Variants in HMCN1 observed in about 807,000 individuals in gnomAD.
HMCN1 encodes hemicentin-1.
In HMCN1, 321 loss-of-function variants were observed where a neutral mutation model predicts 625.9. The observed-to-expected ratio is 0.51, with a 90% confidence interval of 0.47 to 0.56. The LOEUF (loss-of-function observed/expected upper bound fraction) is 0.56, where lower values mean the gene tolerates loss of function less well. Among genes scored for constraint, HMCN1 ranks in the 20% least tolerant of loss-of-function variants. The pLI, the probability that HMCN1 is intolerant of heterozygous loss-of-function variation, is 0.00. For missense variants in HMCN1, 6,588 were observed against 6,887.3 expected, an observed-to-expected ratio of 0.96 and a Z score of 1.54; for synonymous variants, 2,425 against 2,417.6, an observed-to-expected ratio of 1.00 and a Z score of -0.09.
chr1:185,739,419 T>A (rs1653823045), intron 1 of HMCN1, among the ~76,000 whole-genome samples: 1 of 152,226 alleles, frequency 6.6e-6, no homozygotes, highest in African/African-American at 2.4e-5. Flanking sequence ...TGAGGAGGGC[T>A]GATCATCTCT....
In HMCN1 at chr1:185,783,577, A is replaced by G. The variant is rs184972465; in HGVS notation, c.268+48530A>G. Among the ~76,000 whole-genome samples, 810 of 152,294 alleles carry G rather than the reference A, an allele frequency of 5.3e-3. 5 individuals are homozygous for G. Among genetic ancestry groups the G allele is most frequent in the Middle Eastern group, 0.01 (3 of 294 alleles). On this transcript the variant is annotated intron_variant, in intron 1 of 106. Transcript: ENST00000271588. The stretch of plus-strand genomic sequence containing the variant: ...TTCCTTCTAACAGTCAGGACCCTCA[A>G]CTGCAGGTCTGTTGGAGTTTGCTGG...
intron 1 of HMCN1, among the ~76,000 whole-genome samples, chr1:185,748,891 A>C (rs1035308973): frequency 2.0e-5 from 3 of 152,234 alleles, no homozygotes; most frequent in Non-Finnish European, 4.4e-5. Context: ...TAGAGTCAAA[A>C]CACTTGAGTA....
chr1:185,829,297 AAAT>A (rs1157855407), intron 1 of HMCN1, among the ~76,000 whole-genome samples: 1 of 151,946 alleles, frequency 6.6e-6, no homozygotes, highest in African/African-American at 2.4e-5. Context: ...TTTCTAAAAA[AAAT>A]AAAAGGGGGA....
At chr1:186,025,592 T>C (rs775979262) in intron 36 of HMCN1, among the ~76,000 whole-genome samples, 2 of 152,126 alleles carry the variant, frequency 1.3e-5, no homozygotes, top group Non-Finnish European at 2.9e-5. Context: ...AGAAATCAAG[T>C]ATCCCATCAA....
intron 40 of HMCN1, among the ~76,000 whole-genome samples, chr1:186,043,407 C>T (rs1656340378): frequency 6.6e-6 from 1 of 152,044 alleles, no homozygotes; most frequent in Non-Finnish European, 1.5e-5. Context: ...ATTTTTGTCC[C>T]TTAAACAAAT....
At chr1:185,907,329 A>G (rs893313264) in intron 4 of HMCN1, among the ~76,000 whole-genome samples, 3 of 151,948 alleles carry the variant, frequency 2.0e-5, no homozygotes, top group Non-Finnish European at 2.9e-5. Context: ...ATGACACTAC[A>G]AATTTTTCTT....
intron 1 of HMCN1, among the ~76,000 whole-genome samples, chr1:185,761,928 T>C (rs984163223): frequency 2.6e-5 from 4 of 152,180 alleles, no homozygotes; most frequent in African/African-American, 9.7e-5. Context: ...AAATATAGCA[T>C]CATATTATAA....
intron 1 of HMCN1, among the ~76,000 whole-genome samples, chr1:185,752,569 G>A (rs989364948): frequency 6.6e-6 from 1 of 152,120 alleles, no homozygotes; most frequent in Non-Finnish European, 1.5e-5. Context: ...GAGGAAGAGT[G>A]TCTTGCATGT....
chr1:186,133,920 A>T (rs1201318436), intron 86 of HMCN1, among the ~76,000 whole-genome samples: 1 of 152,072 alleles, frequency 6.6e-6, no homozygotes, highest in Non-Finnish European at 1.5e-5. Context: ...CAGATTTTCC[A>T]GAAATGTTAA....
intron 48 of HMCN1, 99 bp downstream of exon 48, chr1:186,062,699 A>G: frequency 1.3e-6 from 1 of 774,182 alleles, no homozygotes; most frequent in Non-Finnish European, 2.3e-6. Context: ...TTTAGGGGGT[A>G]CAAGTGCGGT....
intron 86 of HMCN1, among the ~76,000 whole-genome samples, chr1:186,135,356 C>T (rs10489755): frequency 0.35 from 53,123 of 151,902 alleles, 10,442 homozygotes; most frequent in East Asian, 0.58. Context: ...ATAAGCTTGT[C>T]TTCTGTCCAT....
In HMCN1 at chr1:186,065,292, A is replaced by T. The variant is rs536487843; in HGVS notation, c.7568A>T (p.Asp2523Val). Reference protein sequence around the residue: ...WHKDGQPLQEDEAHHIISGGR... With the variant: ...WHKDGQPLQEVEAHHIISGGR... ...AAAGATGGGCAGCCCCTCCAAGAAG[A>T]TGAAGCCCATCACATTATATCTGGT... The change falls in exon 49 of 107, where the codon GAT (aspartate) becomes GTT (valine). Residue 2523 changes from aspartate (D) to valine (V), a missense_variant. Coordinates refer to ENST00000271588, the MANE Select transcript of HMCN1 (RefSeq NM_031935.3). The T allele has an allele frequency of 6.2e-7, 1 of 1,612,702 alleles. No homozygotes were observed. The highest frequency in any genetic ancestry group is 1.3e-5 in the African/African-American group (1 of 75,008).
chr1:185,965,740 A>T (rs1650358168), intron 13 of HMCN1, 62 bp from the exon 14 acceptor site: 1 of 943,808 alleles, frequency 1.1e-6, no homozygotes, highest in Non-Finnish European at 1.8e-6. Context: ...TTTAGTAAAC[A>T]TAAACAAAAT....
intron 55 of HMCN1, among the ~76,000 whole-genome samples, chr1:186,078,466 C>G (rs1658963445): frequency 6.6e-6 from 1 of 152,118 alleles, no homozygotes; most frequent in Admixed American, 6.5e-5. Context: ...ACTTATGAAT[C>G]AGAAAAGTCC....
chr1:185,866,875 T>A (rs1271105149), intron 4 of HMCN1, among the ~76,000 whole-genome samples: 2 of 152,132 alleles, frequency 1.3e-5, no homozygotes, highest in East Asian at 3.9e-4. Flanking sequence ...TCCTTTTTTT[T>A]TTAAGTTCTG....
At position 186,001,318 on chromosome 1, in the gene HMCN1, A is replaced by G; in HGVS notation, c.4090A>G (p.Lys1364Glu). The change falls in exon 27 of 107, where the codon AAA becomes GAA. Residue 1364 changes from lysine to glutamate, a missense_variant. Physicochemically the swap from Lys to Glu is moderately conservative, Grantham distance 56 (BLOSUM62 1). Transcript: ENST00000271588. ...TGCAGTTCCTCCAGTAATTAAAGAT[A>G]AAGAACAAGTTACAAATGTGTCGGT... ...KVHVPPVIKD[K>E]EQVTNVSVLL... The G allele has an allele frequency of 6.2e-7, 1 of 1,611,784 alleles. No homozygotes were observed. Among genetic ancestry groups the G allele is most frequent in the Non-Finnish European group, 8.5e-7 (1 of 1,178,350 alleles).
intron 1 of HMCN1, among the ~76,000 whole-genome samples, chr1:185,804,463 G>A (rs1201965202): frequency 6.6e-6 from 1 of 152,030 alleles, no homozygotes; most frequent in East Asian, 1.9e-4. Flanking sequence ...AAAGGAAAAG[G>A]AAGCCTGATT....
chr1:185,743,012 T>C (rs1236919301), intron 1 of HMCN1, among the ~76,000 whole-genome samples: 1 of 152,208 alleles, frequency 6.6e-6, no homozygotes, highest in Non-Finnish European at 1.5e-5. Context: ...AGGAACAGCC[T>C]TCTACTTTAT....
chr1:186,149,026 A>T (rs561548194), intron 93 of HMCN1, among the ~76,000 whole-genome samples: 7 of 151,934 alleles, frequency 4.6e-5, no homozygotes, highest in Admixed American at 4.6e-4. Flanking sequence ...ATGTGCTGTC[A>T]TCCAGGCTTT....
Sources: allele counts gnomAD v4.1 joint callset (sites outside exome capture counted in the v4.1 genomes callset), GRCh38; gene constraint gnomAD v4.1.1; transcripts MANE v1.5; gene names NCBI Gene and HGNC (gene_info 2026-07-23, HGNC 2026-07-21).